Variants in ZNF616 observed in about 807,000 individuals in gnomAD.
The protein encoded by ZNF616 is zinc finger protein 616.
A neutral mutation model predicts 7.6 loss-of-function variants in ZNF616; 5 were observed. That is an observed-to-expected ratio of 0.66 (90% CI 0.34 to 1.38). ZNF616 has a LOEUF of 1.38. Among genes scored for constraint, ZNF616 ranks in the 40% most tolerant of loss-of-function variants. The pLI is 0.04. For missense variants in ZNF616, 913 were observed against 948.3 expected (o/e 0.96, Z 0.49); for synonymous variants, 319 against 317.2 (o/e 1.01, Z -0.06).
At chr19:52,127,944 T>C (rs1248906467) in intron 2 of ZNF616, among the ~76,000 whole-genome samples, 1 of 152,178 alleles carries the variant, frequency 6.6e-6, no homozygotes, top group East Asian at 1.9e-4. Context: ...TCTTGACACC[T>C]CTCACTGACT....
rs905917323 is a variant in ZNF616, at chr19:52,115,502, A to T, written c.1662T>A (p.Cys554Ter). ...GTGAACATTGACTGAAGACCTTGCC[A>T]CATTCTTTGCATTTGTAAGGCTTCT... ...TGEKPYKCKE[C>*]GKVFSQCSRL... Residue 554 changes from cysteine (C) to a stop codon, truncating the protein, a stop_gained, in exon 4 of 4, where the codon TGT (cysteine) becomes TGA (stop). Coordinates refer to ENST00000600228, the MANE Select transcript of ZNF616 (RefSeq NM_178523.5). LOFTEE classifies it low-confidence loss of function (END_TRUNC). The T allele has an allele frequency of 6.2e-7, 1 of 1,614,202 alleles. No individual in the cohort carries two copies. Among genetic ancestry groups the T allele is most frequent in the Non-Finnish European group, 8.5e-7 (1 of 1,180,024 alleles).
intron 3 of ZNF616, among the ~76,000 whole-genome samples, chr19:52,117,440 T>C (rs1448403899): frequency 1.3e-5 from 2 of 152,128 alleles, no homozygotes; most frequent in Admixed American, 6.6e-5. Context: ...CAGCAAGATA[T>C]AGTGTAATGG....
At position 52,115,257 on chromosome 19, in the gene ZNF616, T is replaced by C. The variant is rs767583147; in HGVS notation, c.1907A>G (p.Asn636Ser). The C allele has an allele frequency of 5.6e-6, 9 of 1,614,066 alleles. No individual in the cohort carries two copies. The highest frequency in any genetic ancestry group is 7.6e-6 in the Non-Finnish European group (9 of 1,180,034). The part of the protein sequence containing the change: ...IHTGEKPYKC[N>S]QCGNSFSQRV... Reference sequence around the variant, plus strand: ...CTGACTAAAGGAATTCCCACACTGATTGCATTTGTAAGGTTTCTCTCCGGT... The same window carrying C: ...CTGACTAAAGGAATTCCCACACTGACTGCATTTGTAAGGTTTCTCTCCGGT... The change falls in exon 4 of 4, where the codon AAT (asparagine) becomes AGT (serine). Residue 636 changes from asparagine (N) to serine (S), a missense_variant. Physicochemically the swap from Asn to Ser is conservative, Grantham distance 46 (BLOSUM62 1). Transcript: ENST00000600228.
intron 1 of ZNF616, chr19:52,138,802 C>T (rs533856490): frequency 9.8e-5 from 15 of 152,794 alleles, no homozygotes; most frequent in African/African-American, 3.4e-4. Context: ...TCCTAGGCTT[C>T]CTCCTTGCTG....
intron 3 of ZNF616, 44 bp from the exon 4 acceptor site, chr19:52,117,068 A>G (rs1267763682): frequency 1.4e-6 from 2 of 1,475,796 alleles, no homozygotes; most frequent in Non-Finnish European, 1.8e-6. Context: ...AACTACTACT[A>G]TTGATAAACA....
At chr19:52,129,071 G>A (rs180847532) in intron 2 of ZNF616, among the ~76,000 whole-genome samples, 35 of 151,764 alleles carry the variant, frequency 2.3e-4, no homozygotes, top group African/African-American at 8.0e-4. Flanking sequence ...TCAGGAGTTC[G>A]AGACCAGCCT....
rs781352251 is a variant in ZNF616, at chr19:52,124,980, T to C, written c.13-931A>G. 7.2e-5 allele frequency among the ~76,000 whole-genome samples: 11 copies of C among 152,250 alleles called. 1 individual carries two copies. Among genetic ancestry groups the C allele is most frequent in the Admixed American group, 1.3e-4 (2 of 15,290 alleles). On this transcript the variant is annotated intron_variant, in intron 2 of 3. Transcript: ENST00000600228. ...TGATATCTCACTGACCAGAACACCA[T>C]ATCCCATTGATAAGGGCAGACCCCT...
At chr19:52,121,349 A>C (rs1485984613) in intron 3 of ZNF616, among the ~76,000 whole-genome samples, 1 of 152,254 alleles carries the variant, frequency 6.6e-6, no homozygotes, top group Non-Finnish European at 1.5e-5. Flanking sequence ...TAATAAAATA[A>C]AACTAGAGAT....
rs2088817772 is a variant in ZNF616, at chr19:52,115,980, C to T, written c.1184G>A (p.Ser395Asn). 1 of 1,613,908 alleles carries T rather than the reference C, an allele frequency of 6.2e-7. No homozygotes were observed. The highest frequency in any genetic ancestry group is 1.3e-5 in the African/African-American group (1 of 74,856). Residue 395 changes from serine (S) to asparagine (N), a missense_variant, in exon 4 of 4, where the codon AGT becomes AAT. By Grantham distance (46) the Ser-to-Asn change is conservative. Coordinates refer to ENST00000600228, the MANE Select transcript of ZNF616 (RefSeq NM_178523.5). Reference protein sequence around the residue: ...ECGKVFSKRSSLAVHRRIHTV... With the variant: ...ECGKVFSKRSNLAVHRRIHTV... The stretch of plus-strand genomic sequence containing the variant: ...GTGAATTCGTCGATGCACTGCAAGA[C>T]TTGAACGTTTACTGAAGACCTTGCC...
chr19:52,124,114 G>A (rs999927267), intron 2 of ZNF616, 65 bp from the exon 3 acceptor site: 2 of 1,537,814 alleles, frequency 1.3e-6, no homozygotes. Flanking sequence ...ACAAAATGAG[G>A]AGAGAACTAT....
At position 52,113,596 on chromosome 19, in the gene ZNF616, G is replaced by T. The variant is rs1171613355; in HGVS notation, c.*1222C>A. 1.3e-5 allele frequency: 2 copies of T among 152,148 alleles called. No individual in the cohort carries two copies. The highest frequency in any genetic ancestry group is 2.9e-5 in the Non-Finnish European group (2 of 68,038). 9.4% of individuals were successfully genotyped at this position (152,148 alleles called of 1,614,324 possible). On this transcript the variant is annotated 3_prime_UTR_variant, in exon 4 of 4. Transcript: ENST00000600228. Reference sequence around the variant, plus strand: ...AAATGCATTAGCTATTTGTCCTGATGCTCCACTTCCCTGCCCTTCCCACCC... The same window carrying T: ...AAATGCATTAGCTATTTGTCCTGATTCTCCACTTCCCTGCCCTTCCCACCC...
chr19:52,123,050 T>C (rs1167176300), intron 3 of ZNF616, among the ~76,000 whole-genome samples: 1 of 152,234 alleles, frequency 6.6e-6, no homozygotes, highest in Non-Finnish European at 1.5e-5. Context: ...AAACTGCTCC[T>C]GAGCTATACC....
chr19:52,131,956 T>C (rs1172951662), intron 1 of ZNF616, among the ~76,000 whole-genome samples: 1 of 152,062 alleles, frequency 6.6e-6, no homozygotes, highest in African/African-American at 2.4e-5. Flanking sequence ...AAGAGGCCTG[T>C]GTGGCTGGAG....
intron 3 of ZNF616, among the ~76,000 whole-genome samples, chr19:52,119,815 T>A (rs1568559379): frequency 6.6e-6 from 1 of 152,234 alleles, no homozygotes; most frequent in Admixed American, 6.5e-5. Flanking sequence ...CTTATGTCTT[T>A]ATAATATATG....
Position 52,116,592 on chromosome 19 carries a change from C to T in ZNF616, c.572G>A (p.Gly191Asp), listed in dbSNP as rs757647057. ...GCTGGAAGACGCTTTAAAGGCTTTG[C>T]CACATTCATTACATACATACGTTTT... Reference protein sequence around the residue: ...REKTYVCNECGKAFKASSSLI... With the variant: ...REKTYVCNECDKAFKASSSLI... The change falls in exon 4 of 4, where the codon GGC (glycine) becomes GAC (aspartate). Residue 191 changes from glycine to aspartate, a missense_variant. Transcript: ENST00000600228. The T allele has an allele frequency of 6.2e-7, 1 of 1,614,042 alleles. No homozygotes were observed.
intron 1 of ZNF616, among the ~76,000 whole-genome samples, chr19:52,130,969 A>G (rs2088954068): frequency 6.6e-6 from 1 of 152,194 alleles, no homozygotes; most frequent in African/African-American, 2.4e-5. Flanking sequence ...TGCTGGATAC[A>G]AATGAGAATC....
chr19:52,135,917 C>A (rs975936059), intron 1 of ZNF616, among the ~76,000 whole-genome samples: 1 of 151,200 alleles, frequency 6.6e-6, no homozygotes, highest in African/African-American at 2.4e-5. Flanking sequence ...TCTCTTGAGG[C>A]CAGGAGTTCA....
At chr19:52,133,701 C>T (rs568687960) in intron 1 of ZNF616, among the ~76,000 whole-genome samples, 5 of 152,136 alleles carry the variant, frequency 3.3e-5, no homozygotes, top group South Asian at 2.1e-4. Context: ...TTAGAAGAGC[C>T]GGGGTTTCAC....
chr19:52,136,086 C>T (rs906148944), intron 1 of ZNF616, among the ~76,000 whole-genome samples: 1 of 143,256 alleles, frequency 7.0e-6, no homozygotes, highest in Non-Finnish European at 1.5e-5. Flanking sequence ...GCCGAGATGG[C>T]GCCCCTGCAC....
Sources: gnomAD v4.1 joint callset for allele counts (sites outside exome capture counted in the v4.1 genomes callset) on GRCh38, gnomAD v4.1.1 for gene constraint, MANE v1.5 for transcripts, NCBI Gene and HGNC (gene_info 2026-07-23, HGNC 2026-07-21) for gene names.